Variants in SYNPO observed in about 807,000 individuals in gnomAD.
The protein encoded by SYNPO is synaptopodin.
In SYNPO, 19 loss-of-function variants were observed where a neutral mutation model predicts 49.5. That is an observed-to-expected ratio of 0.38 (90% CI 0.27 to 0.56). The LOEUF (loss-of-function observed/expected upper bound fraction) is 0.56. Among genes scored for constraint, SYNPO ranks in the 20% least tolerant of loss-of-function variants. The pLI is 0.68. For synonymous variants in SYNPO, 536 were observed against 548.0 expected, an observed-to-expected ratio of 0.98 and a Z score of 0.31; for missense variants, 1,131 against 1,248.3, an observed-to-expected ratio of 0.91 and a Z score of 1.42.
chr5:150,608,647 G>A (rs1756759581), intron 1 of SYNPO: 2 of 152,014 alleles, frequency 1.3e-5, no homozygotes, highest in Admixed American at 1.3e-4. Context: ...TATGATCTCT[G>A]GGCATCTACA....
rs182915840 is a variant in SYNPO, at chr5:150,630,007, A to G, written c.400+11240A>G. On this transcript the variant is annotated intron_variant, in intron 2 of 2. Coordinates refer to the SYNPO transcript ENST00000394243. Reference sequence around the variant, plus strand: ...ACCTATCCCAGAACAGACAGCATTCATCTTTGATCCTCATCATCCCTGAAG... The same window carrying G: ...ACCTATCCCAGAACAGACAGCATTCGTCTTTGATCCTCATCATCCCTGAAG... Among the ~76,000 whole-genome samples the G allele has an allele frequency of 3.7e-3, 570 of 152,210 alleles. 2 individuals carry two copies. The highest frequency in any genetic ancestry group is 4.9e-3 in the Non-Finnish European group (331 of 68,026).
rs925991208 is a variant in SYNPO, at chr5:150,658,151, T to C, written c.*1064T>C. Reference sequence around the variant, plus strand: ...TAGCAGGGGACAGGATTGGCTCAGATGACCCCTGAGGGCTCTTCCAGTCTT... The same window carrying C: ...TAGCAGGGGACAGGATTGGCTCAGACGACCCCTGAGGGCTCTTCCAGTCTT... On this transcript the variant is annotated 3_prime_UTR_variant, in exon 3 of 3. Transcript: ENST00000307662. 1 of 152,304 alleles carries C rather than the reference T, an allele frequency of 6.6e-6. No homozygotes were observed. The highest frequency in any genetic ancestry group is 2.4e-5 in the African/African-American group (1 of 41,436). 9.4% of individuals were successfully genotyped at this position (152,304 alleles called of 1,614,324 possible). A position where few individuals can be genotyped will look rare whatever the true frequency, so the allele number is the denominator to read the frequency against.
intron 1 of SYNPO, among the ~76,000 whole-genome samples, chr5:150,643,584 C>G (rs1257115436): frequency 6.6e-6 from 1 of 152,122 alleles, no homozygotes; most frequent in Non-Finnish European, 1.5e-5. Flanking sequence ...GCCCAGGCTG[C>G]AGTGCAGTGG....
chr5:150,602,995 A>AGG (rs373724432), intron 1 of SYNPO, among the ~76,000 whole-genome samples: 274 of 87,496 alleles, frequency 3.1e-3, no homozygotes, highest in African/African-American at 6.2e-3. Flanking sequence ...TTGCCACCTT[A>AGG]GGGTGTGTGT....
rs566175759 is a variant in SYNPO at position 150,644,308 on chromosome 5, C to T, written c.-333+3454C>T. Reference sequence around the variant, plus strand: ...TGTCAGCAGAGACTTGCACACTCAGCATGTTGTTTTGAAGATGCAAGAATT... The same window carrying T: ...TGTCAGCAGAGACTTGCACACTCAGTATGTTGTTTTGAAGATGCAAGAATT... On this transcript the variant is annotated intron_variant, in intron 1 of 2. Transcript: ENST00000307662. Among the ~76,000 whole-genome samples, 3 of 152,226 alleles carry T rather than the reference C, an allele frequency of 2.0e-5. No homozygotes were observed. In the East Asian group the frequency reaches 5.8e-4, roughly 29 times the overall value.
At chr5:150,619,241 T>C (rs900600196) in intron 2 of SYNPO, among the ~76,000 whole-genome samples, 4 of 152,088 alleles carry the variant, frequency 2.6e-5, no homozygotes, top group African/African-American at 9.7e-5. Flanking sequence ...AGGTAGAGAC[T>C]GAAGCCTTTG....
chr5:150,597,580 C>T (rs1756447143), upstream of SYNPO, among the ~76,000 whole-genome samples: 1 of 152,146 alleles, frequency 6.6e-6, no homozygotes, highest in Non-Finnish European at 1.5e-5. Context: ...GTGATCCACC[C>T]ACCTCGGCCT....
rs557189036 is a variant in SYNPO at position 150,656,663 on chromosome 5, A to G, written c.2288A>G (p.Asn763Ser). 6.7e-6 allele frequency: 10 copies of G among 1,496,076 alleles called. No individual in the cohort carries two copies. Among genetic ancestry groups the G allele is most frequent in the African/African-American group, 4.4e-5 (3 of 68,672 alleles). 92.7% of individuals were successfully genotyped at this position (1,496,076 alleles called of 1,614,324 possible). Reference sequence around the variant, plus strand: ...GCGCTTCTGGCGCGAAACATCATCAATGCGGCCCGGCGCAAGAGCGCCTCC... The same window carrying G: ...GCGCTTCTGGCGCGAAACATCATCAGTGCGGCCCGGCGCAAGAGCGCCTCC... ...LQALLARNII[N>S]AARRKSASPR... The change falls in exon 3 of 3, where the codon AAT (asparagine) becomes AGT (serine). Residue 763 changes from asparagine to serine, a missense_variant. Asn to Ser is a conservative substitution (Grantham distance 46, BLOSUM62 1). Coordinates refer to ENST00000307662, the MANE Select transcript of SYNPO (RefSeq NM_007286.6).
At chr5:150,644,464 A>G (rs1255983312) in intron 1 of SYNPO, among the ~76,000 whole-genome samples, 1 of 152,206 alleles carries the variant, frequency 6.6e-6, no homozygotes, top group Non-Finnish European at 1.5e-5. Flanking sequence ...CCTGTGCTAG[A>G]AGAGTATCTG....
At chr5:150,590,802 G>A in the SYNPO span, among the ~76,000 whole-genome samples, 2 of 152,198 alleles carry the variant, frequency 1.3e-5, no homozygotes, top group Admixed American at 6.5e-5. Context: ...AGGAAGGGCT[G>A]TTATCGTTGT....
upstream of SYNPO, among the ~76,000 whole-genome samples, chr5:150,639,638 A>G (rs778595747): frequency 6.6e-6 from 1 of 152,168 alleles, no homozygotes; most frequent in African/African-American, 2.4e-5. Context: ...TTATCTACAA[A>G]ATGGGGATAA....
At chr5:150,634,189 C>T (rs1581487750) in intron 2 of SYNPO, among the ~76,000 whole-genome samples, 1 of 152,138 alleles carries the variant, frequency 6.6e-6, no homozygotes, top group Non-Finnish European at 1.5e-5. Context: ...TCTGTGGTTC[C>T]TCCGGTCTAG....
the SYNPO span, among the ~76,000 whole-genome samples, chr5:150,586,097 C>A: frequency 1.3e-5 from 2 of 152,258 alleles, no homozygotes; most frequent in African/African-American, 4.8e-5. Flanking sequence ...GGCGCAGCTG[C>A]AAGCCAGCAT....
chr5:150,650,468 C>A (rs1450058402), intron 2 of SYNPO, 165 bp downstream of exon 2: 23 of 1,515,360 alleles, frequency 1.5e-5, no homozygotes, highest in Non-Finnish European at 2.0e-5. Context: ...GATGCGGCCA[C>A]CAGCTGGCTT....
chr5:150,627,550 A>G (rs190402786), intron 2 of SYNPO, among the ~76,000 whole-genome samples: 1 of 152,352 alleles, frequency 6.6e-6, no homozygotes, highest in East Asian at 1.9e-4. Context: ...GGGAGATAGA[A>G]AAGAAAAAAG....
At chr5:150,651,691 AGAG>A (rs1280876980) in intron 2 of SYNPO, 1 of 1,000,540 alleles carries the variant, frequency 1.0e-6, no homozygotes, top group Non-Finnish European at 1.2e-6. Context: ...GGGAAGGGAC[AGAG>A]GAGATCTTAG....
At chr5:150,639,293 C>G (rs988962856), upstream of SYNPO, among the ~76,000 whole-genome samples, 7 of 152,200 alleles carry the variant, frequency 4.6e-5, no homozygotes, top group Non-Finnish European at 7.3e-5. Context: ...CAGAGAGAAA[C>G]CAGAAGTTTG....
At position 150,649,795 on chromosome 5, in the gene SYNPO, G is replaced by A. The variant is rs756771690; in HGVS notation, c.1520G>A (p.Arg507His). Residue 507 changes from arginine (R) to histidine (H), a missense_variant, in exon 2 of 3, where the codon CGC becomes CAC. Around this residue, in one of 4 missense-constraint regions of SYNPO, gnomAD observed 602 missense variants for 720.7 expected, o/e 0.84. Transcript: ENST00000307662. Reference sequence around the variant, plus strand: ...TCAAGCCACACGCCAGAGCTGGCCCGCTGCCCATCACCTACCATGTCCCTG... The same window carrying A: ...TCAAGCCACACGCCAGAGCTGGCCCACTGCCCATCACCTACCATGTCCCTG... ...ESSSHTPELA[R>H]CPSPTMSLPS... 12 of 1,611,378 alleles carry A rather than the reference G, an allele frequency of 7.4e-6. No homozygotes were observed. The South Asian group carries it at 8.8e-5, about 12-fold the overall frequency.
chr5:150,618,857 A>G (rs1195959422), intron 2 of SYNPO: 2 of 1,474,800 alleles, frequency 1.4e-6, no homozygotes, highest in Non-Finnish European at 1.8e-6. Flanking sequence ...ATATTTTTCC[A>G]TGATCCACAG....
Sources: allele counts gnomAD v4.1 joint callset (sites outside exome capture counted in the v4.1 genomes callset), GRCh38; gene constraint gnomAD v4.1.1; regional missense constraint gnomAD v4.1.1; transcripts MANE v1.5; gene names NCBI Gene and HGNC (gene_info 2026-07-23, HGNC 2026-07-21).